Variants in LINGO2 observed in about 807,000 individuals in gnomAD.
LINGO2 encodes leucine rich repeat and Ig domain containing 2.
Under a neutral mutation model 30.6 loss-of-function variants are expected in LINGO2, and 14 were observed. That is an observed-to-expected ratio of 0.46 (90% confidence interval 0.30 to 0.72). LINGO2 has a LOEUF of 0.72. Among genes scored for constraint, LINGO2 ranks in the 30% least tolerant of loss-of-function variants. The pLI, the probability that LINGO2 is intolerant of heterozygous loss-of-function variation, is 0.07. For synonymous variants in LINGO2, 317 were observed against 288.5 expected (o/e 1.10, Z -1.00); for missense variants, 729 against 751.7 (o/e 0.97, Z 0.35).
chr9:28,854,880 A>G, the LINGO2 span, among the ~76,000 whole-genome samples: 1 of 152,046 alleles, frequency 6.6e-6, no homozygotes, highest in African/African-American at 2.4e-5. Context: ...AGTTAGTAAT[A>G]GAAAATTGCT....
intron 2 of LINGO2, among the ~76,000 whole-genome samples, chr9:28,416,963 T>C (rs1822992318): frequency 1.3e-5 from 2 of 152,160 alleles, no homozygotes; most frequent in African/African-American, 2.4e-5. Context: ...TATGCATTTA[T>C]ATACCCTTAC....
chr9:28,712,457 C>T, the LINGO2 span, among the ~76,000 whole-genome samples: 11 of 150,840 alleles, frequency 7.3e-5, no homozygotes, highest in South Asian at 1.1e-3. Context: ...CTTTTCTTCT[C>T]AGACTGATTA....
At chr9:28,061,210 G>T (rs188184082) in intron 4 of LINGO2, among the ~76,000 whole-genome samples, 11 of 149,100 alleles carry the variant, frequency 7.4e-5, no homozygotes, top group Admixed American at 2.7e-4. Context: ...GTTTCTTAAT[G>T]AGTGAAGGAA....
chr9:28,970,655 T>G, the LINGO2 span, among the ~76,000 whole-genome samples: 1 of 152,120 alleles, frequency 6.6e-6, no homozygotes, highest in Non-Finnish European at 1.5e-5. Context: ...CAGACTCAGC[T>G]GACATCCACC....
the LINGO2 span, among the ~76,000 whole-genome samples, chr9:28,930,258 C>T: frequency 6.6e-6 from 1 of 152,140 alleles, no homozygotes; most frequent in Non-Finnish European, 1.5e-5. The surrounding 1 kb of genome is among the most constrained non-coding windows in gnomAD (Gnocchi z 4.2). Flanking sequence ...CAGGGTTTGG[C>T]TTAGACCTCC....
intron 2 of LINGO2, among the ~76,000 whole-genome samples, chr9:28,408,760 A>G (rs1212173125): frequency 4.0e-5 from 5 of 124,438 alleles, no homozygotes; most frequent in Non-Finnish European, 8.8e-5. Context: ...CCTTAAACTT[A>G]AAGTATAAAA....
chr9:27,969,111 A>G (rs1263739788), intron 5 of LINGO2, among the ~76,000 whole-genome samples: 1 of 140,582 alleles, frequency 7.1e-6, no homozygotes, highest in African/African-American at 3.2e-5. Flanking sequence ...ACAGATTTTC[A>G]TGATTCAAAA....
chr9:28,695,260 A>G, the LINGO2 span, among the ~76,000 whole-genome samples: 1 of 151,964 alleles, frequency 6.6e-6, no homozygotes, highest in African/African-American at 2.4e-5. Context: ...TGATAAACAT[A>G]TAAAGTGTTT....
intron 3 of LINGO2, among the ~76,000 whole-genome samples, chr9:28,368,445 T>G (rs1294063666): frequency 6.6e-6 from 1 of 152,136 alleles, no homozygotes; most frequent in Non-Finnish European, 1.5e-5. Context: ...CTGCTTGGCT[T>G]CCAGAGTTCT....
At chr9:28,755,352 G>C in the LINGO2 span, among the ~76,000 whole-genome samples, 1 of 152,036 alleles carries the variant, frequency 6.6e-6, no homozygotes, top group Admixed American at 6.6e-5. Flanking sequence ...CTGCGGCCTT[G>C]AGCAAACTAC....
chr9:28,866,292 G>A, the LINGO2 span, among the ~76,000 whole-genome samples: 1 of 151,980 alleles, frequency 6.6e-6, no homozygotes, highest in Admixed American at 6.6e-5. Context: ...CATATTGAAT[G>A]CTTTATTGTA....
chr9:28,517,711 A>G (rs1447233863), intron 1 of LINGO2, among the ~76,000 whole-genome samples: 3 of 152,226 alleles, frequency 2.0e-5, no homozygotes, highest in Admixed American at 6.5e-5. Context: ...TAATGGAGCA[A>G]TAATAATTTT....
At chr9:28,134,184 A>G (rs1237819784) in intron 4 of LINGO2, among the ~76,000 whole-genome samples, 2 of 152,140 alleles carry the variant, frequency 1.3e-5, no homozygotes, top group Admixed American at 6.5e-5. Context: ...AGTTGCTCCA[A>G]ATTCTTCTGC....
intron 4 of LINGO2, among the ~76,000 whole-genome samples, chr9:28,236,484 T>G (rs1821570092): frequency 6.6e-6 from 1 of 152,146 alleles, no homozygotes; most frequent in Admixed American, 6.5e-5. Flanking sequence ...GTAGAAAGAC[T>G]AAATGATGAA....
At chr9:28,117,876 T>C (rs1448962029) in intron 4 of LINGO2, among the ~76,000 whole-genome samples, 2 of 152,072 alleles carry the variant, frequency 1.3e-5, no homozygotes, top group Admixed American at 6.5e-5. Context: ...CCAGAATAAA[T>C]GTTTATTAAA....
At chr9:28,973,087 G>A in the LINGO2 span, among the ~76,000 whole-genome samples, 1 of 152,026 alleles carries the variant, frequency 6.6e-6, no homozygotes, top group South Asian at 2.1e-4. Context: ...CTAAAGGGGA[G>A]GTAGACAAGG....
chr9:28,289,179 A>G (rs931401939), intron 4 of LINGO2, among the ~76,000 whole-genome samples: 1 of 152,230 alleles, frequency 6.6e-6, no homozygotes, highest in Non-Finnish European at 1.5e-5. Context: ...ACCATAAAAT[A>G]ATGTGACTGC....
intron 4 of LINGO2, among the ~76,000 whole-genome samples, chr9:28,051,192 C>T (rs1325636538): frequency 1.4e-5 from 2 of 141,244 alleles, no homozygotes; most frequent in East Asian, 4.5e-4. Context: ...CAGTTGAGGT[C>T]ATGACTACAA....
chr9:29,063,067 G>T, the LINGO2 span, among the ~76,000 whole-genome samples: 20 of 152,100 alleles, frequency 1.3e-4, no homozygotes, highest in African/African-American at 4.8e-4. Flanking sequence ...ACGTATCTAT[G>T]AGGGGAAACA....
Sources: gnomAD v4.1 joint callset for allele counts (sites outside exome capture counted in the v4.1 genomes callset) on GRCh38, gnomAD v4.1.1 for gene constraint, Gnocchi (gnomAD v3.1) non-coding constraint, MANE v1.5 for transcripts, NCBI Gene and HGNC (gene_info 2026-07-23, HGNC 2026-07-21) for gene names.